Variants in ZNF282 observed in about 807,000 individuals in gnomAD.
ZNF282 encodes HTLV-I U5 repressive element-binding protein 1.
Under a neutral mutation model 61.9 loss-of-function variants are expected in ZNF282, and 30 were observed. The ratio of observed to expected loss-of-function variants is 0.48; its 90% CI spans 0.36 to 0.66. The LOEUF (loss-of-function observed/expected upper bound fraction) is 0.66, where lower values mean the gene tolerates loss of function less well. Ranked by LOEUF, ZNF282 falls within the 30% of genes least tolerant of loss-of-function variation. The probability of loss-of-function intolerance (pLI) is 0.00; values close to 1 mark genes in which losing one functional copy is unlikely to be tolerated. For missense variants in ZNF282, 788 were observed against 941.4 expected, an observed-to-expected ratio of 0.84 and a Z score of 2.13; for synonymous variants, 396 against 405.0, an observed-to-expected ratio of 0.98 and a Z score of 0.27.
chr7:149,195,687 C>T lies in ZNF282; in HGVS notation c.98C>T (p.Pro33Leu), dbSNP rs771113099. The T allele has an allele frequency of 2.5e-6, 4 of 1,576,592 alleles. No individual in the cohort carries two copies. Among genetic ancestry groups the T allele is most frequent in the Admixed American group, 1.8e-5 (1 of 55,276 alleles). The part of the protein sequence containing the change: ...GSWSWAQALP[P>L]EEVCHQEPAL... ...TGGAGCTGGGCCCAGGCTCTGCCCC[C>T]GGAGGAGGTCTGCCACCAGGAGCCG... The change falls in exon 1 of 8, where the codon CCG becomes CTG. Residue 33 changes from proline to leucine, a missense_variant. By Grantham distance (98) the Pro-to-Leu change is moderately conservative. Coordinates refer to ENST00000610704, the MANE Select transcript of ZNF282 (RefSeq NM_003575.4).
At position 149,224,447 on chromosome 7, in the gene ZNF282, C is replaced by G. The variant is rs779224807; in HGVS notation, c.1816C>G (p.Leu606Val). 6.2e-6 allele frequency: 10 copies of G among 1,613,162 alleles called. 1 individual carries two copies. In the South Asian group the frequency reaches 9.9e-5, roughly 16 times the overall value. The part of the protein sequence containing the change: ...HTGERPFQCA[L>V]CGKSFIRKQN... Reference sequence around the variant, plus strand: ...GGGCGAGCGGCCTTTCCAATGTGCACTGTGCGGCAAGAGCTTCATCCGCAA... The same window carrying G: ...GGGCGAGCGGCCTTTCCAATGTGCAGTGTGCGGCAAGAGCTTCATCCGCAA... Residue 606 changes from leucine to valine, a missense_variant, in exon 8 of 8, where the codon CTG becomes GTG. Leu to Val is a conservative substitution (Grantham distance 32, BLOSUM62 1). Transcript: ENST00000610704.
intron 3 of ZNF282, 141 bp from the exon 4 acceptor site, chr7:149,207,210 C>A: frequency 1.9e-6 from 2 of 1,044,442 alleles, no homozygotes; most frequent in Non-Finnish European, 2.6e-6. Flanking sequence ...TCAGATTACC[C>A]GCCTAACTCG....
At chr7:149,197,936 G>A (rs917653484) in intron 1 of ZNF282, among the ~76,000 whole-genome samples, 3 of 152,236 alleles carry the variant, frequency 2.0e-5, no homozygotes, top group Non-Finnish European at 4.4e-5. Context: ...GAAGATTAGC[G>A]TCAGCTAACT....
chr7:149,201,085 T>C (rs1008722188), intron 2 of ZNF282, among the ~76,000 whole-genome samples: 1 of 152,226 alleles, frequency 6.6e-6, no homozygotes, highest in African/African-American at 2.4e-5. Context: ...GCGGATCGCC[T>C]GCCTGAGACC....
chr7:149,205,787 C>T (rs1454042513), intron 2 of ZNF282, among the ~76,000 whole-genome samples: 1 of 152,162 alleles, frequency 6.6e-6, no homozygotes, highest in Non-Finnish European at 1.5e-5. Context: ...AGCTTTGGCC[C>T]TGTAAATGCA....
At position 149,198,305 on chromosome 7, in the gene ZNF282, G is replaced by T; in HGVS notation, c.166-28G>T. 1 of 1,573,182 alleles carries T rather than the reference G, an allele frequency of 6.4e-7. No individual in the cohort carries two copies. Among genetic ancestry groups the T allele is most frequent in the Non-Finnish European group, 8.6e-7 (1 of 1,157,234 alleles). ...CCGGCTCACACAAGGTCTCATCCTG[G>T]GTTGTCGCTTTCTCCCTCTGCATAC... On this transcript the variant is annotated intron_variant, in intron 1 of 7. Transcript: ENST00000610704. This position sits in a 1 kb window ranked among gnomAD's most constrained non-coding sequence, Gnocchi z 4.3.
At position 149,204,291 on chromosome 7, in the gene ZNF282, C is replaced by T. The variant is rs183639001; in HGVS notation, c.586-2405C>T. On this transcript the variant is annotated intron_variant, in intron 2 of 7. Transcript: ENST00000610704. ...ATTGTTGAGGATTTCAACAGAAGGT[C>T]GCTGATGATCTTCCAGAGTGTGGTT... Among the ~76,000 whole-genome samples, 81 of 152,258 alleles carry T rather than the reference C, an allele frequency of 5.3e-4. 1 individual carries two copies. Among genetic ancestry groups the T allele is most frequent in the Middle Eastern group, 6.8e-3 (2 of 294 alleles).
Position 149,201,576 on chromosome 7 carries a change from ACC to A in ZNF282, c.585+2827_585+2828del, listed in dbSNP as rs887056637. On this transcript the variant is annotated intron_variant, in intron 2 of 7. Transcript: ENST00000610704. ...AGACCAGCCTGGCCAACATGGTGAA[ACC>A]CCATCTCTACTAAAAATACAAAAAT... Among the ~76,000 whole-genome samples the A allele has an allele frequency of 4.1e-4, 62 of 152,166 alleles. 1 individual carries two copies. The highest frequency in any genetic ancestry group is 1.5e-3 in the African/African-American group (61 of 41,520).
chr7:149,224,047 C>CGGGGGCGGCGGGGGCGAT lies in ZNF282; in HGVS notation c.1425_1442dup (p.Asp478_Gly483dup), dbSNP rs1181022342. On this transcript the variant is annotated inframe_insertion, in exon 8 of 8. Transcript: ENST00000610704. ...CGCCGCCGGGTGGGGACCGCAGCAC[C>CGGGGGCGGCGGGGGCGAT]GGGGGCGGCGGGGGCGATGGGGGCG... is the stretch of plus-strand genomic sequence containing the variant. The CGGGGGCGGCGGGGGCGAT allele has an allele frequency of 6.6e-6, 7 of 1,058,128 alleles. No homozygotes were observed. The highest frequency in any genetic ancestry group is 4.8e-5 in the Admixed American group (1 of 20,820). 65.5% of individuals were successfully genotyped at this position (1,058,128 alleles called of 1,614,324 possible). A position where few individuals can be genotyped will look rare whatever the true frequency, so the allele number is the denominator to read the frequency against.
chr7:149,207,456 T>C lies in ZNF282; in HGVS notation c.818T>C (p.Met273Thr), dbSNP rs1204982664. 6.4e-7 allele frequency: 1 copy of C among 1,561,722 alleles called. No individual in the cohort carries two copies. The highest frequency in any genetic ancestry group is 1.2e-5 in the South Asian group (1 of 84,834). Residue 273 changes from methionine (M) to threonine (T), a missense_variant, in exon 4 of 8, where the codon ATG (methionine) becomes ACG (threonine). Physicochemically the swap from Met to Thr is moderately conservative, Grantham distance 81. Transcript: ENST00000610704. ...QRHPEEREIP[M>T]DPEAGAEPLV... ...CACCCCGAAGAGAGAGAAATCCCAA[T>C]GGATCCCGAAGCAGGTGATGGCAGC...
Position 149,213,590 on chromosome 7 carries a change from A to G in ZNF282, c.1067-111A>G, listed in dbSNP as rs1053906477. Reference sequence around the variant, plus strand: ...GGCCTGGAAATGCAACACCGATACCAAAACATGCCCTGCAGGTTGCAGCCA... The same window carrying G: ...GGCCTGGAAATGCAACACCGATACCGAAACATGCCCTGCAGGTTGCAGCCA... On this transcript the variant is annotated intron_variant, in intron 6 of 7. Coordinates refer to ENST00000610704, the MANE Select transcript of ZNF282 (RefSeq NM_003575.4). 3 of 739,830 alleles carry G rather than the reference A, an allele frequency of 4.1e-6. No homozygotes were observed. The South Asian group carries it at 4.5e-5, about 11-fold the overall frequency. The allele number at this position is 739,830 out of a possible 1,614,324, so 45.8% of individuals were successfully genotyped here.
chr7:149,214,958 A>G (rs897042240), intron 7 of ZNF282, among the ~76,000 whole-genome samples: 34 of 152,322 alleles, frequency 2.2e-4, no homozygotes, highest in African/African-American at 8.2e-4. Context: ...CCCAACAGGT[A>G]TGGAACCAAA....
chr7:149,213,570 G>C, intron 6 of ZNF282, 131 bp from the exon 7 acceptor site: 1 of 668,304 alleles, frequency 1.5e-6, no homozygotes, highest in East Asian at 2.8e-5. Context: ...AGGATGGCCT[G>C]GAAATGCAAC....
chr7:149,207,621 A>T (rs1250919664), intron 4 of ZNF282, 151 bp downstream of exon 4: 10 of 1,206,770 alleles, frequency 8.3e-6, no homozygotes, highest in Non-Finnish European at 1.1e-5. Flanking sequence ...CCAGAGTCGA[A>T]ATTTGGTGGT....
chr7:149,199,888 C>T (rs1386155392), intron 2 of ZNF282, among the ~76,000 whole-genome samples: 1 of 149,138 alleles, frequency 6.7e-6, no homozygotes, highest in Non-Finnish European at 1.5e-5. Flanking sequence ...GGTAAAGACT[C>T]TTTTTTTTTT....
chr7:149,212,495 C>A (rs759387528), intron 6 of ZNF282, 24 bp downstream of exon 6: 1 of 1,527,106 alleles, frequency 6.5e-7, no homozygotes, highest in Non-Finnish European at 9.0e-7. Context: ...CAGAATGAAT[C>A]TTGAGGGCAA....
In ZNF282 at chr7:149,212,338, G is replaced by A. The variant is rs777770963; in HGVS notation, c.953-20G>A. Reference sequence around the variant, plus strand: ...TTTCGCATCTTCTAACACCTTTGCCGCTCTTGTTCCCGCAAGTAGACTCCC... The same window carrying A: ...TTTCGCATCTTCTAACACCTTTGCCACTCTTGTTCCCGCAAGTAGACTCCC... On this transcript the variant is annotated intron_variant, in intron 5 of 7. Transcript: ENST00000610704. 13 of 1,576,692 alleles carry A rather than the reference G, an allele frequency of 8.2e-6. No individual in the cohort carries two copies. The highest frequency in any genetic ancestry group is 3.4e-4 in the Middle Eastern group (2 of 5,966).
chr7:149,196,189 G>T (rs771405147), intron 1 of ZNF282, among the ~76,000 whole-genome samples: 1 of 152,184 alleles, frequency 6.6e-6, no homozygotes, highest in Non-Finnish European at 1.5e-5. Flanking sequence ...CCAATTTGAC[G>T]GGGATATTTT....
intron 5 of ZNF282, among the ~76,000 whole-genome samples, chr7:149,211,576 C>T (rs1050748128): frequency 6.6e-6 from 1 of 152,148 alleles, no homozygotes; most frequent in East Asian, 1.9e-4. Context: ...TAATGTTTGA[C>T]CAAATATCTG....
Sources: gnomAD v4.1 joint callset for allele counts (sites outside exome capture counted in the v4.1 genomes callset) on GRCh38, gnomAD v4.1.1 for gene constraint, Gnocchi (gnomAD v3.1) non-coding constraint, MANE v1.5 for transcripts, NCBI Gene and HGNC (gene_info 2026-07-23, HGNC 2026-07-21) for gene names.